WDR7: variants seen among roughly 807,000 people sequenced by gnomAD.
WDR7 encodes WD repeat-containing protein 7.
In WDR7, 46 loss-of-function variants were observed where a neutral mutation model predicts 169.4. The observed-to-expected ratio is 0.27, with a 90% CI of 0.21 to 0.35. The LOEUF is 0.35. Among genes scored for constraint, WDR7 ranks in the 10% least tolerant of loss-of-function variants. The pLI, the probability that WDR7 is intolerant of heterozygous loss-of-function variation, is 1.00. For missense variants in WDR7, 1,534 were observed against 1,859.3 expected, an observed-to-expected ratio of 0.83 and a Z score of 3.22; for synonymous variants, 612 against 666.8, an observed-to-expected ratio of 0.92 and a Z score of 1.27.
intron 20 of WDR7, among the ~76,000 whole-genome samples, chr18:56,848,920 G>C (rs2045603672): frequency 6.6e-6 from 1 of 152,032 alleles, no homozygotes; most frequent in Non-Finnish European, 1.5e-5. Flanking sequence ...CCCAGCCTCA[G>C]GTATTTCTTT....
chr18:56,915,123 A>T (rs1048646631), intron 21 of WDR7, among the ~76,000 whole-genome samples: 34 of 152,258 alleles, frequency 2.2e-4, no homozygotes, highest in Non-Finnish European at 1.2e-4. Context: ...GCAGTACAGG[A>T]TATAAAAAGT....
chr18:56,883,283 G>A (rs1261056029), intron 21 of WDR7, among the ~76,000 whole-genome samples: 1 of 151,530 alleles, frequency 6.6e-6, no homozygotes, highest in Non-Finnish European at 1.5e-5. Flanking sequence ...CAGGCTCTGG[G>A]CTGGATGCTG....
At chr18:56,796,372 A>G (rs1455722202) in intron 19 of WDR7, among the ~76,000 whole-genome samples, 2 of 152,204 alleles carry the variant, frequency 1.3e-5, no homozygotes, top group Non-Finnish European at 2.9e-5. Flanking sequence ...TAATCTAGTT[A>G]ATATTCATTT....
chr18:56,735,189 C>A (rs117008241), intron 14 of WDR7, among the ~76,000 whole-genome samples: 3,524 of 152,078 alleles, frequency 0.023, 44 homozygotes, highest in Non-Finnish European at 0.034. Flanking sequence ...TAGGATTAGG[C>A]CCTGGAAATG....
Position 56,993,254 on chromosome 18 carries a change from A to G in WDR7, c.4165-27491A>G, listed in dbSNP as rs916545600. On this transcript the variant is annotated intron_variant, in intron 26 of 27. Transcript: ENST00000254442. ...ATGAACTTAAGAAATTCTTATAGCA[A>G]GAATTTGGAATTGAGAAAATAATTT... is the stretch of plus-strand genomic sequence containing the variant. Among the ~76,000 whole-genome samples, 13 of 152,364 alleles carry G rather than the reference A, an allele frequency of 8.5e-5. No homozygotes were observed. The East Asian group carries it at 2.3e-3, about 27-fold the overall frequency.
intron 21 of WDR7, among the ~76,000 whole-genome samples, chr18:56,888,196 AGCCATAC>A (rs2046221976): frequency 6.6e-6 from 1 of 152,246 alleles, no homozygotes; most frequent in South Asian, 2.1e-4. Flanking sequence ...GTAATTCAAA[AGCCATAC>A]TTAGTTTTGT....
chr18:56,810,560 A>G (rs2044850718), intron 19 of WDR7, among the ~76,000 whole-genome samples: 1 of 152,146 alleles, frequency 6.6e-6, no homozygotes, highest in Non-Finnish European at 1.5e-5. Flanking sequence ...ATATAGTTTA[A>G]TTTTTAAAAA....
At chr18:56,786,422 G>T (rs540225740) in intron 19 of WDR7, among the ~76,000 whole-genome samples, 19 of 151,846 alleles carry the variant, frequency 1.3e-4, no homozygotes, top group African/African-American at 4.6e-4. Flanking sequence ...CCAGCTACTC[G>T]GGAGGCTTAG....
At chr18:56,983,062 T>C (rs115285070) in intron 26 of WDR7, among the ~76,000 whole-genome samples, 1,834 of 152,246 alleles carry the variant, frequency 0.012, 41 homozygotes, top group African/African-American at 0.042. Flanking sequence ...AGGTGGAAGG[T>C]CTAAAATTAA....
chr18:56,655,082 ATTTTG>A (rs1245069595), intron 1 of WDR7, among the ~76,000 whole-genome samples: 1 of 152,112 alleles, frequency 6.6e-6, no homozygotes, highest in Non-Finnish European at 1.5e-5. Flanking sequence ...CTTCCCATTT[ATTTTG>A]TTTTAACTTT....
At chr18:56,992,856 A>C (rs1417224602) in intron 26 of WDR7, among the ~76,000 whole-genome samples, 1 of 152,200 alleles carries the variant, frequency 6.6e-6, no homozygotes, top group African/African-American at 2.4e-5. Flanking sequence ...TAAGTTTCTC[A>C]TGAAGAGACA....
At chr18:57,026,296 A>C (rs1004963304) in intron 27 of WDR7, among the ~76,000 whole-genome samples, 2 of 152,266 alleles carry the variant, frequency 1.3e-5, no homozygotes, top group African/African-American at 4.8e-5. Flanking sequence ...GCCAAAAAGC[A>C]GAAGTTATCA....
chr18:56,921,732 T>C (rs1204516041), intron 21 of WDR7, among the ~76,000 whole-genome samples: 1 of 152,210 alleles, frequency 6.6e-6, no homozygotes, highest in Non-Finnish European at 1.5e-5. Flanking sequence ...AGTTCCCCTG[T>C]GCTGTCCTTC....
Position 56,997,566 on chromosome 18 carries a change from G to T in WDR7, c.4165-23179G>T, listed in dbSNP as rs1300431233. Reference sequence around the variant, plus strand: ...AACGAAGACCTTGTCAACCAAAGGAGGTAGGGAAAAGTTGTTTATTTAGGG... The same window carrying T: ...AACGAAGACCTTGTCAACCAAAGGATGTAGGGAAAAGTTGTTTATTTAGGG... On this transcript the variant is annotated intron_variant, in intron 26 of 27. Transcript: ENST00000254442. Among the ~76,000 whole-genome samples, 3 of 152,154 alleles carry T rather than the reference G, an allele frequency of 2.0e-5. No individual in the cohort carries two copies. In the East Asian group the frequency reaches 5.8e-4, roughly 29 times the overall value.
intron 21 of WDR7, among the ~76,000 whole-genome samples, chr18:56,895,782 T>A (rs1209554754): frequency 6.6e-6 from 1 of 151,762 alleles, no homozygotes; most frequent in South Asian, 2.1e-4. Context: ...TAAAATAATA[T>A]TTGAGTAAAT....
At chr18:56,682,569 A>C (rs1000045450) in intron 4 of WDR7, 110 bp from the exon 5 acceptor site, 11 of 1,219,164 alleles carry the variant, frequency 9.0e-6, no homozygotes, top group African/African-American at 1.5e-5. Flanking sequence ...TTACCGAAGA[A>C]GTTGAGCTTT....
chr18:56,668,400 C>T (rs1202519150), intron 1 of WDR7, among the ~76,000 whole-genome samples: 2 of 152,152 alleles, frequency 1.3e-5, no homozygotes, highest in African/African-American at 4.8e-5. Flanking sequence ...AGGAATCCTT[C>T]CTGGACCCAT....
At chr18:56,908,393 C>A (rs1198100814) in intron 21 of WDR7, among the ~76,000 whole-genome samples, 1 of 152,198 alleles carries the variant, frequency 6.6e-6, no homozygotes, top group African/African-American at 2.4e-5. Flanking sequence ...AATGATTCAG[C>A]ACTTCTTTGA....
At chr18:56,786,960 A>G (rs947588892) in intron 19 of WDR7, among the ~76,000 whole-genome samples, 7 of 151,458 alleles carry the variant, frequency 4.6e-5, no homozygotes, top group Non-Finnish European at 1.0e-4. Context: ...TTTTGCACCA[A>G]CCTAATAAAT....
Sources: gnomAD v4.1 joint callset for allele counts (sites outside exome capture counted in the v4.1 genomes callset) on GRCh38, gnomAD v4.1.1 for gene constraint, MANE v1.5 for transcripts, NCBI Gene and HGNC (gene_info 2026-07-23, HGNC 2026-07-21) for gene names.